Variants in FAT3 observed in about 807,000 individuals in gnomAD.
FAT3 encodes the protein protocadherin Fat 3.
Under a neutral mutation model 310.2 loss-of-function variants are expected in FAT3, and 95 were observed. The ratio of observed to expected loss-of-function variants is 0.31; its 90% CI spans 0.26 to 0.36. The LOEUF (loss-of-function observed/expected upper bound fraction) is 0.36, where lower values mean the gene tolerates loss of function less well. FAT3 is among the 10% of genes least tolerant of loss of function. The pLI is 1.00. For synonymous variants in FAT3, 2,314 were observed against 2,192.9 expected, an observed-to-expected ratio of 1.06 and a Z score of -1.54; for missense variants, 5,408 against 5,715.6, an observed-to-expected ratio of 0.95 and a Z score of 1.74.
chr11:92,355,337 T>C lies in FAT3; in HGVS notation c.3225T>C (p.Asp1075=). ...VTARDEDSGR[D]GEIQYSIRDG... ...CTCGAGATGAAGACTCCGGAAGGGATGGAGAGATCCAGTACTCCATCAGGG... is the reference window on the plus strand; with the variant it reads ...CTCGAGATGAAGACTCCGGAAGGGACGGAGAGATCCAGTACTCCATCAGGG... Residue 1075 remains aspartate (D), a synonymous_variant, in exon 2 of 28, where the codon GAT becomes GAC. Coordinates refer to ENST00000525166, the MANE Select transcript of FAT3 (RefSeq NM_001367949.2). 6.2e-7 allele frequency: 1 copy of C among 1,613,740 alleles called. No individual in the cohort carries two copies. Among genetic ancestry groups the C allele is most frequent in the South Asian group, 1.1e-5 (1 of 91,074 alleles).
At chr11:92,851,976 A>G (rs1416271213) in intron 19 of FAT3, among the ~76,000 whole-genome samples, 5 of 152,156 alleles carry the variant, frequency 3.3e-5, no homozygotes, top group African/African-American at 7.2e-5. Context: ...TGACAGAAAC[A>G]TGTGATTTCT....
intron 2 of FAT3, among the ~76,000 whole-genome samples, chr11:92,482,075 G>A (rs189482424): frequency 2.0e-5 from 3 of 151,990 alleles, no homozygotes; most frequent in Admixed American, 2.0e-4. Flanking sequence ...GTTCTTAAAC[G>A]TGGTCTTTTT....
chr11:92,653,157 TA>T (rs1335168105), intron 3 of FAT3, among the ~76,000 whole-genome samples: 1 of 152,054 alleles, frequency 6.6e-6, no homozygotes, highest in Non-Finnish European at 1.5e-5. Context: ...AAACTCTGTC[TA>T]AAAAATAAAT....
At position 92,601,849 on chromosome 11, in the gene FAT3, T is replaced by TA. The variant is rs200755678; in HGVS notation, c.3607+76909dup. Among the ~76,000 whole-genome samples, 89 of 151,860 alleles carry TA rather than the reference T, an allele frequency of 5.9e-4. 1 individual carries two copies. Among genetic ancestry groups the TA allele is most frequent in the African/African-American group, 2.0e-3 (84 of 41,412 alleles). On this transcript the variant is annotated intron_variant, in intron 3 of 27. Transcript: ENST00000525166. The stretch of plus-strand genomic sequence containing the variant: ...CTTGATTCCCTCTGAAAGTTCACAT[T>TA]AAAAAAAATAGCAGTGCAGCCAGGT...
intron 3 of FAT3, among the ~76,000 whole-genome samples, chr11:92,533,190 A>AGTT (rs1954138497): frequency 6.6e-6 from 1 of 151,962 alleles, no homozygotes; most frequent in Admixed American, 6.6e-5. Flanking sequence ...CACCGTATCC[A>AGTT]GTTATTATTA....
At chr11:92,444,357 G>C (rs912732255) in intron 2 of FAT3, among the ~76,000 whole-genome samples, 4 of 151,718 alleles carry the variant, frequency 2.6e-5, no homozygotes, top group African/African-American at 7.3e-5. Context: ...CTGAACCCCG[G>C]TCTCCTATCC....
chr11:92,458,368 A>G (rs1026642090), intron 2 of FAT3, among the ~76,000 whole-genome samples: 1 of 152,204 alleles, frequency 6.6e-6, no homozygotes, highest in African/African-American at 2.4e-5. Context: ...TTTGCCCTGT[A>G]TGTGGAGGTT....
At chr11:92,848,094 T>C (rs1036842723) in intron 19 of FAT3, among the ~76,000 whole-genome samples, 2 of 152,180 alleles carry the variant, frequency 1.3e-5, no homozygotes, top group African/African-American at 4.8e-5. Flanking sequence ...CACTCTGGGC[T>C]GTGTAGTAAT....
intron 1 of FAT3, among the ~76,000 whole-genome samples, chr11:92,326,735 C>T (rs1367428907): frequency 6.6e-6 from 1 of 152,220 alleles, no homozygotes; most frequent in Non-Finnish European, 1.5e-5. Context: ...TTTCCTTGTA[C>T]AGTCTGGAGG....
intron 8 of FAT3, among the ~76,000 whole-genome samples, chr11:92,791,540 C>T (rs1228514529): frequency 6.6e-6 from 1 of 152,204 alleles, no homozygotes; most frequent in African/African-American, 2.4e-5. Context: ...TCAGTTTGGT[C>T]ACCCTCTACC....
At chr11:92,843,238 C>T (rs2136288300) in intron 18 of FAT3, among the ~76,000 whole-genome samples, 1 of 152,276 alleles carries the variant, frequency 6.6e-6, no homozygotes, top group Non-Finnish European at 1.5e-5. Context: ...TGCAGCTCCA[C>T]ATCTTCAGAT....
Position 92,799,890 on chromosome 11 carries a change from A to C in FAT3, c.6877A>C (p.Asn2293His). The C allele has an allele frequency of 6.2e-7, 1 of 1,613,026 alleles. No homozygotes were observed. The highest frequency in any genetic ancestry group is 8.5e-7 in the Non-Finnish European group (1 of 1,179,488). ...NPPIFDQPTY[N>H]TTLSEASLIG... ...CCCTATTTTCGATCAGCCTACATAC[A>C]ATACAACACTATCAGAAGCATCTCT... The change falls in exon 10 of 28, where the codon AAT (asparagine) becomes CAT (histidine). Residue 2293 changes from asparagine to histidine, a missense_variant. Asn to His is a moderately conservative substitution (Grantham distance 68, BLOSUM62 1). This residue lies in a region of FAT3 where 4,588 missense variants were observed against 4,809.8 expected (regional missense o/e 0.95). Transcript: ENST00000525166.
intron 2 of FAT3, among the ~76,000 whole-genome samples, chr11:92,387,041 A>G (rs1463369999): frequency 1.3e-5 from 2 of 151,250 alleles, no homozygotes; most frequent in African/African-American, 4.9e-5. Context: ...TGAGCCAGCA[A>G]TGCCCAAGGA....
chr11:92,333,719 T>C (rs1947980228), intron 1 of FAT3, among the ~76,000 whole-genome samples: 1 of 150,750 alleles, frequency 6.6e-6, no homozygotes, highest in African/African-American at 2.4e-5. Flanking sequence ...TAAATATACA[T>C]CTTACCTTAA....
At chr11:92,652,662 A>T (rs1370311233) in intron 3 of FAT3, among the ~76,000 whole-genome samples, 3 of 152,172 alleles carry the variant, frequency 2.0e-5, no homozygotes, top group African/African-American at 7.2e-5. Context: ...AAACCGGCGA[A>T]TGGGAGGAAA....
chr11:92,644,471 C>G (rs1942078087), intron 3 of FAT3, among the ~76,000 whole-genome samples: 1 of 151,570 alleles, frequency 6.6e-6, no homozygotes, highest in Admixed American at 6.5e-5. Flanking sequence ...TCGAGGAAGA[C>G]ACACATACCA....
chr11:92,620,477 C>T (rs1306849134), intron 3 of FAT3, among the ~76,000 whole-genome samples: 1 of 152,148 alleles, frequency 6.6e-6, no homozygotes, highest in Non-Finnish European at 1.5e-5. Flanking sequence ...AAATCTTGTG[C>T]TGATTTAAGC....
chr11:92,242,730 C>T (rs769525391), intron 1 of FAT3, among the ~76,000 whole-genome samples: 13 of 151,864 alleles, frequency 8.6e-5, no homozygotes, highest in African/African-American at 2.2e-4. Context: ...GAATTGGTTT[C>T]GTATCTGAAT....
chr11:92,282,102 C>T (rs1335280882), intron 1 of FAT3, among the ~76,000 whole-genome samples: 2 of 152,012 alleles, frequency 1.3e-5, no homozygotes, highest in Admixed American at 1.3e-4. Context: ...GATGGGGTTT[C>T]ACCATGTTTG....
Sources: allele counts gnomAD v4.1 joint callset (sites outside exome capture counted in the v4.1 genomes callset), GRCh38; gene constraint gnomAD v4.1.1; regional missense constraint gnomAD v4.1.1; transcripts MANE v1.5; gene names NCBI Gene and HGNC (gene_info 2026-07-23, HGNC 2026-07-21).